The following WWOX variants were observed in gnomAD, a reference collection of about 807,000 sequenced individuals.
The protein encoded by WWOX is WW domain-containing oxidoreductase.
Under a neutral mutation model 46.2 loss-of-function variants are expected in WWOX, and 69 were observed. The ratio of observed to expected loss-of-function variants is 1.49; its 90% CI spans 1.23 to 1.82. WWOX has a LOEUF of 1.82. Among genes scored for constraint, WWOX ranks in the 40% most tolerant of loss-of-function variants. The pLI is 0.00. For synonymous variants in WWOX, 359 were observed against 202.6 expected, an observed-to-expected ratio of 1.77 and a Z score of -6.56; for missense variants, 919 against 542.6, an observed-to-expected ratio of 1.69 and a Z score of -6.89.
intron 8 of WWOX, among the ~76,000 whole-genome samples, chr16:78,816,125 A>G (rs1417839406): frequency 6.6e-6 from 1 of 152,170 alleles, no homozygotes; most frequent in Non-Finnish European, 1.5e-5. Flanking sequence ...CCCCAAAATG[A>G]AGGCAGAATC....
chr16:78,446,122 T>C (rs1027256753), intron 8 of WWOX, among the ~76,000 whole-genome samples: 14 of 152,170 alleles, frequency 9.2e-5, no homozygotes, highest in African/African-American at 3.4e-4. Flanking sequence ...TTTGGTGTGA[T>C]AAAAAGGTAT....
At chr16:79,119,213 A>T (rs2049578496) in intron 8 of WWOX, among the ~76,000 whole-genome samples, 1 of 152,188 alleles carries the variant, frequency 6.6e-6, no homozygotes, top group African/African-American at 2.4e-5. Flanking sequence ...ATCATTACTA[A>T]TATGATAAAC....
intron 5 of WWOX, among the ~76,000 whole-genome samples, chr16:78,178,639 G>T (rs1377649578): frequency 6.6e-6 from 1 of 152,206 alleles, no homozygotes; most frequent in Non-Finnish European, 1.5e-5. Context: ...GCCGAGGCGG[G>T]TGGATCACTT....
At chr16:79,168,998 A>G (rs1202437792) in intron 8 of WWOX, among the ~76,000 whole-genome samples, 3 of 152,236 alleles carry the variant, frequency 2.0e-5, no homozygotes, top group Admixed American at 2.0e-4. Context: ...TTCCTTAAAA[A>G]TCTTTTCACC....
intron 5 of WWOX, among the ~76,000 whole-genome samples, chr16:78,208,025 C>G (rs1361209756): frequency 6.6e-6 from 1 of 152,146 alleles, no homozygotes; most frequent in Non-Finnish European, 1.5e-5. Flanking sequence ...GTTGGCCAGG[C>G]TGGTCTCGGA....
At chr16:79,163,538 C>T (rs763606221) in intron 8 of WWOX, among the ~76,000 whole-genome samples, 1 of 152,116 alleles carries the variant, frequency 6.6e-6, no homozygotes, top group Admixed American at 6.5e-5. Context: ...GTGGCTCACA[C>T]CTGTAATCCC....
At chr16:79,148,957 T>G (rs2050228857) in intron 8 of WWOX, among the ~76,000 whole-genome samples, 1 of 152,196 alleles carries the variant, frequency 6.6e-6, no homozygotes, top group Non-Finnish European at 1.5e-5. Context: ...TCTTGGGATT[T>G]TCTATCTAGC....
intron 8 of WWOX, among the ~76,000 whole-genome samples, chr16:78,910,947 G>T (rs1567642941): frequency 3.3e-5 from 5 of 151,908 alleles, no homozygotes. Context: ...TTTCCATCAT[G>T]TTTACATATT....
chr16:78,744,909 TTC>T (rs1353615419), intron 8 of WWOX, among the ~76,000 whole-genome samples: 2 of 152,288 alleles, frequency 1.3e-5, no homozygotes, highest in East Asian at 3.9e-4. Context: ...CTTCAACGTT[TTC>T]TGTTTCCTCC....
chr16:78,192,763 T>A (rs2035923515), intron 5 of WWOX, among the ~76,000 whole-genome samples: 2 of 152,188 alleles, frequency 1.3e-5, no homozygotes, highest in South Asian at 4.1e-4. Context: ...TTTATTTGTT[T>A]GGTGAGAATT....
chr16:78,635,927 C>A (rs944106073), intron 8 of WWOX, among the ~76,000 whole-genome samples: 1 of 152,078 alleles, frequency 6.6e-6, no homozygotes. Flanking sequence ...TTATACAGAG[C>A]CAAGAGAGGT....
intron 3 of WWOX, 32 bp downstream of exon 3, chr16:78,109,867 G>C: frequency 1.2e-6 from 2 of 1,613,508 alleles, no homozygotes; most frequent in Middle Eastern, 1.7e-4. Flanking sequence ...ACTCTCAGCT[G>C]TTTTGCTTTT....
chr16:78,106,635 C>A (rs976476430), intron 1 of WWOX, among the ~76,000 whole-genome samples: 8 of 152,000 alleles, frequency 5.3e-5, no homozygotes, highest in African/African-American at 1.9e-4. Flanking sequence ...AGGCTGGTCG[C>A]GAACTCCTGA....
chr16:78,263,748 A>G (rs1439593115), intron 5 of WWOX, among the ~76,000 whole-genome samples: 1 of 152,210 alleles, frequency 6.6e-6, no homozygotes, highest in Non-Finnish European at 1.5e-5. Flanking sequence ...AACTTCCCAG[A>G]GATTTATCTG....
At chr16:78,365,453 G>A (rs1262620363) in intron 5 of WWOX, among the ~76,000 whole-genome samples, 3 of 152,174 alleles carry the variant, frequency 2.0e-5, no homozygotes, top group African/African-American at 7.2e-5. Context: ...ATAAACTGTG[G>A]TTCCCAACAA....
chr16:78,734,607 T>G (rs569642470), intron 8 of WWOX, among the ~76,000 whole-genome samples: 1 of 152,156 alleles, frequency 6.6e-6, no homozygotes, highest in East Asian at 1.9e-4. Flanking sequence ...CTGTTTCAAC[T>G]TGATTAGGTC....
chr16:78,916,740 G>T (rs1218844398), intron 8 of WWOX, among the ~76,000 whole-genome samples: 1 of 152,196 alleles, frequency 6.6e-6, no homozygotes. Flanking sequence ...TCTAAACTAA[G>T]TGTCTGATAA....
At chr16:78,519,439 C>G (rs899884442) in intron 8 of WWOX, among the ~76,000 whole-genome samples, 43 of 151,884 alleles carry the variant, frequency 2.8e-4, no homozygotes, top group Admixed American at 3.3e-4. Flanking sequence ...TGTTAACAGT[C>G]TAATGTGTTT....
At chr16:79,010,830 A>T (rs1376131161) in intron 8 of WWOX, among the ~76,000 whole-genome samples, 1 of 151,728 alleles carries the variant, frequency 6.6e-6, no homozygotes, top group Admixed American at 6.6e-5. Context: ...GTGGGGGTTC[A>T]GTGACAGTCT....
Sources: gnomAD v4.1 joint callset for allele counts (sites outside exome capture counted in the v4.1 genomes callset) on GRCh38, gnomAD v4.1.1 for gene constraint, MANE v1.5 for transcripts, NCBI Gene and HGNC (gene_info 2026-07-23, HGNC 2026-07-21) for gene names.